The following ST6GALNAC3 variants were observed in gnomAD, a reference collection of about 807,000 sequenced individuals.
The protein encoded by ST6GALNAC3 is alpha-N-acetylgalactosaminide alpha-2,6-sialyltransferase 3.
In ST6GALNAC3, 25 loss-of-function variants were observed where a neutral mutation model predicts 32.7. The ratio of observed to expected loss-of-function variants is 0.76; its 90% CI spans 0.56 to 1.07. The LOEUF is 1.07. Among genes scored for constraint, ST6GALNAC3 ranks in the 50% least tolerant of loss-of-function variants. ST6GALNAC3 has a pLI of 0.00. For synonymous variants in ST6GALNAC3, 129 were observed against 133.1 expected, an observed-to-expected ratio of 0.97 and a Z score of 0.21; for missense variants, 355 against 382.4, an observed-to-expected ratio of 0.93 and a Z score of 0.60.
chr1:76,459,859 G>A (rs907844955), intron 3 of ST6GALNAC3, among the ~76,000 whole-genome samples: 10 of 152,138 alleles, frequency 6.6e-5, no homozygotes, highest in Admixed American at 5.2e-4. Flanking sequence ...TCCATTGTAT[G>A]GATATAACTC....
rs139336078 is a variant in ST6GALNAC3 at position 76,234,996 on chromosome 1, G to T, written c.19-78809G>T. On this transcript the variant is annotated intron_variant, in intron 1 of 4. Transcript: ENST00000328299. ...AAAGAACCAAGGAGTGTGGGCTTCA[G>T]CTTCTCTACAGAGTCGCTGGTGGTT... Among the ~76,000 whole-genome samples the T allele has an allele frequency of 1.7e-4, 26 of 152,306 alleles. No homozygotes were observed. In the East Asian group the frequency reaches 4.8e-3, roughly 28 times the overall value.
intron 1 of ST6GALNAC3, among the ~76,000 whole-genome samples, chr1:76,264,090 A>C (rs897615790): frequency 6.6e-6 from 1 of 152,176 alleles, no homozygotes; most frequent in Non-Finnish European, 1.5e-5. Context: ...CTACTCATAC[A>C]GCTGGAAGGA....
intron 1 of ST6GALNAC3, among the ~76,000 whole-genome samples, chr1:76,240,951 A>G (rs1358616301): frequency 6.6e-6 from 1 of 152,224 alleles, no homozygotes; most frequent in Non-Finnish European, 1.5e-5. Context: ...TTTTGCACCT[A>G]ACAGCTATAT....
intron 3 of ST6GALNAC3, among the ~76,000 whole-genome samples, chr1:76,568,171 G>A (rs989463821): frequency 2.0e-5 from 3 of 152,040 alleles, no homozygotes; most frequent in Non-Finnish European, 4.4e-5. Context: ...ATCATTCCAC[G>A]CTTTGAAGCA....
At chr1:76,591,721 A>G (rs1183982219) in intron 3 of ST6GALNAC3, among the ~76,000 whole-genome samples, 2 of 152,130 alleles carry the variant, frequency 1.3e-5, no homozygotes, top group Non-Finnish European at 2.9e-5. Flanking sequence ...TTCTTGTAGC[A>G]TGGAAAATGG....
intron 2 of ST6GALNAC3, among the ~76,000 whole-genome samples, chr1:76,389,012 CTTTTTTTT>C (rs371619828): frequency 7.9e-6 from 1 of 127,366 alleles, no homozygotes. Flanking sequence ...GGTATATTTC[CTTTTTTTT>C]TTTTTTTTGA....
chr1:76,504,796 G>T (rs1661374926), intron 3 of ST6GALNAC3, among the ~76,000 whole-genome samples: 1 of 152,104 alleles, frequency 6.6e-6, no homozygotes, highest in South Asian at 2.1e-4. Flanking sequence ...AAACTATTAA[G>T]TAGTAGTATC....
At chr1:76,504,177 C>A (rs182700382) in intron 3 of ST6GALNAC3, among the ~76,000 whole-genome samples, 65 of 152,204 alleles carry the variant, frequency 4.3e-4, no homozygotes, top group African/African-American at 1.5e-3. Context: ...TGTCCCATGC[C>A]TTTCTCCTAA....
chr1:76,080,003 C>T (rs1050393997), intron 1 of ST6GALNAC3, among the ~76,000 whole-genome samples: 7 of 152,164 alleles, frequency 4.6e-5, no homozygotes, highest in Non-Finnish European at 1.0e-4. Flanking sequence ...GTTAGGGAGC[C>T]GCGGCCTTCC....
At chr1:76,219,851 T>G (rs142586607) in intron 1 of ST6GALNAC3, among the ~76,000 whole-genome samples, 19 of 152,312 alleles carry the variant, frequency 1.2e-4, no homozygotes, top group African/African-American at 4.3e-4. Context: ...AAGTTAGGAT[T>G]GGAGAGTTGC....
At chr1:76,123,365 C>T (rs1042079998) in intron 1 of ST6GALNAC3, among the ~76,000 whole-genome samples, 10 of 136,194 alleles carry the variant, frequency 7.3e-5, no homozygotes, top group Non-Finnish European at 1.4e-4. Context: ...GGTGACAGAG[C>T]GAGGCTCCAT....
chr1:76,441,096 A>AAAAT (rs1251190200), intron 3 of ST6GALNAC3, among the ~76,000 whole-genome samples: 2 of 138,342 alleles, frequency 1.4e-5, no homozygotes, highest in Non-Finnish European at 2.9e-5. Context: ...TCCAAAAAAA[A>AAAAT]AAAAAAAAAA....
intron 1 of ST6GALNAC3, among the ~76,000 whole-genome samples, chr1:76,106,755 A>G (rs1647561407): frequency 6.6e-6 from 1 of 152,196 alleles, no homozygotes; most frequent in African/African-American, 2.4e-5. Flanking sequence ...ACAACTAAAA[A>G]CCCAGGACAC....
intron 1 of ST6GALNAC3, among the ~76,000 whole-genome samples, chr1:76,284,215 A>G (rs1659654809): frequency 6.6e-6 from 1 of 152,250 alleles, no homozygotes; most frequent in South Asian, 2.1e-4. Context: ...TATGTTGATA[A>G]CACAGAAGGA....
intron 3 of ST6GALNAC3, among the ~76,000 whole-genome samples, chr1:76,471,292 A>C (rs1659010746): frequency 6.6e-6 from 1 of 152,084 alleles, no homozygotes; most frequent in Admixed American, 6.6e-5. Context: ...GATTTCCTTC[A>C]TCTACTGTCT....
In ST6GALNAC3 at chr1:76,604,799, G is replaced by A. The variant is rs142497528; in HGVS notation, c.624-22653G>A. On this transcript the variant is annotated intron_variant, in intron 3 of 4. Transcript: ENST00000328299. Reference sequence around the variant, plus strand: ...ATTTTCATCATGGTGTCACCATCCCGTCTTGTTTTCAAATTAGAAATCACT... The same window carrying A: ...ATTTTCATCATGGTGTCACCATCCCATCTTGTTTTCAAATTAGAAATCACT... 8.8e-3 allele frequency among the ~76,000 whole-genome samples: 1,335 copies of A among 152,190 alleles called. 23 individuals carry two copies. Among genetic ancestry groups the A allele is most frequent in the African/African-American group, 0.03 (1,253 of 41,524 alleles).
chr1:76,546,269 A>G (rs542660849), intron 3 of ST6GALNAC3, among the ~76,000 whole-genome samples: 2 of 152,274 alleles, frequency 1.3e-5, no homozygotes, highest in East Asian at 3.9e-4. Flanking sequence ...TGGAAGGTTG[A>G]GTATATGGAT....
chr1:76,376,864 C>T (rs1453037107), intron 2 of ST6GALNAC3, among the ~76,000 whole-genome samples: 2 of 151,970 alleles, frequency 1.3e-5, no homozygotes, highest in Non-Finnish European at 2.9e-5. Context: ...TTTTGGATTT[C>T]ATGTTTATAT....
intron 3 of ST6GALNAC3, among the ~76,000 whole-genome samples, chr1:76,473,966 C>T (rs1659191445): frequency 1.3e-5 from 2 of 152,066 alleles, no homozygotes; most frequent in African/African-American, 4.8e-5. Context: ...CTTTAATTTC[C>T]CTGGCCTGCC....
Sources: allele counts gnomAD v4.1 joint callset (sites outside exome capture counted in the v4.1 genomes callset), GRCh38; gene constraint gnomAD v4.1.1; transcripts MANE v1.5; gene names NCBI Gene and HGNC (gene_info 2026-07-23, HGNC 2026-07-21).